Variants in SIPA1L1 observed in about 807,000 individuals in gnomAD.
SIPA1L1 encodes the protein signal-induced proliferation-associated 1-like protein 1.
Under a neutral mutation model 162.7 loss-of-function variants are expected in SIPA1L1, and 26 were observed. That is an observed-to-expected ratio of 0.16 (90% CI 0.12 to 0.22). The LOEUF is 0.22. Ranked by LOEUF, SIPA1L1 falls within the 10% of genes least tolerant of loss-of-function variation. The pLI is 1.00. For missense variants in SIPA1L1, 1,874 were observed against 2,241.0 expected, an observed-to-expected ratio of 0.84 and a Z score of 3.31; for synonymous variants, 829 against 837.4, an observed-to-expected ratio of 0.99 and a Z score of 0.17.
chr14:71,422,751 C>T (rs1195178504), intron 2 of SIPA1L1, among the ~76,000 whole-genome samples: 11 of 152,188 alleles, frequency 7.2e-5, no homozygotes, highest in Admixed American at 6.5e-5. Context: ...GGGTGGCTTC[C>T]GCCTTTTAGC....
intron 2 of SIPA1L1, among the ~76,000 whole-genome samples, chr14:71,472,612 A>G (rs2047548158): frequency 6.6e-6 from 1 of 152,122 alleles, no homozygotes; most frequent in East Asian, 1.9e-4. Context: ...TATTCTTACA[A>G]AAGGCCTTGT....
At chr14:71,480,790 C>A (rs1391687163) in intron 2 of SIPA1L1, among the ~76,000 whole-genome samples, 1 of 151,954 alleles carries the variant, frequency 6.6e-6, no homozygotes. Flanking sequence ...AACAAAAAAA[C>A]AAAGGTCATT....
chr14:71,496,167 TA>T (rs1245030806), intron 2 of SIPA1L1, among the ~76,000 whole-genome samples: 1 of 151,822 alleles, frequency 6.6e-6, no homozygotes, highest in Non-Finnish European at 1.5e-5. Flanking sequence ...TTATTCAGTT[TA>T]AGGTATTTTA....
At chr14:71,544,683 T>C (rs2055017647) in intron 4 of SIPA1L1, among the ~76,000 whole-genome samples, 5 of 152,148 alleles carry the variant, frequency 3.3e-5, no homozygotes. Flanking sequence ...TGTTTTCCTG[T>C]TTCTATCTAG....
At chr14:71,639,424 C>G (rs1262219808) in intron 7 of SIPA1L1, among the ~76,000 whole-genome samples, 1 of 152,044 alleles carries the variant, frequency 6.6e-6, no homozygotes, top group Non-Finnish European at 1.5e-5. Flanking sequence ...AACCAAAGAC[C>G]TAAATAAATG....
intron 2 of SIPA1L1, among the ~76,000 whole-genome samples, chr14:71,394,911 T>G (rs1470494340): frequency 6.6e-6 from 1 of 152,230 alleles, no homozygotes; most frequent in Non-Finnish European, 1.5e-5. Context: ...TTAAAAAAAT[T>G]ATTTTCATCA....
At chr14:71,676,475 T>TC (rs1318477718) in intron 12 of SIPA1L1, among the ~76,000 whole-genome samples, 1 of 151,702 alleles carries the variant, frequency 6.6e-6, no homozygotes, top group African/African-American at 2.4e-5. Flanking sequence ...TCCTTTTTTT[T>TC]TTTTTTTTAA....
chr14:71,414,694 C>T (rs1413841674), intron 2 of SIPA1L1, among the ~76,000 whole-genome samples: 3 of 152,200 alleles, frequency 2.0e-5, no homozygotes, highest in Non-Finnish European at 4.4e-5. Context: ...AGAGCTTATA[C>T]TTCAACCCAT....
At chr14:71,672,210 G>T in intron 11 of SIPA1L1, 138 bp from the exon 12 acceptor site, 1 of 796,582 alleles carries the variant, frequency 1.3e-6, no homozygotes, top group Non-Finnish European at 2.0e-6. Context: ...GATTAGTGAA[G>T]AGGAAATAAC....
chr14:71,546,633 C>T (rs1347188287), intron 4 of SIPA1L1, among the ~76,000 whole-genome samples: 4 of 152,012 alleles, frequency 2.6e-5, no homozygotes, highest in African/African-American at 4.8e-5. Flanking sequence ...CTACCGTGCC[C>T]GGCCTGCATT....
intron 3 of SIPA1L1, among the ~76,000 whole-genome samples, chr14:71,521,809 T>G (rs1175750587): frequency 1.3e-5 from 2 of 152,164 alleles, no homozygotes; most frequent in Non-Finnish European, 2.9e-5. Context: ...TGCTCCACAT[T>G]CTTAGTGACA....
chr14:71,518,800 A>C (rs1168247913), intron 3 of SIPA1L1, among the ~76,000 whole-genome samples: 2 of 152,094 alleles, frequency 1.3e-5, no homozygotes, highest in African/African-American at 4.8e-5. Context: ...GCTGCTGATA[A>C]AGACATACCT....
chr14:71,589,093 CAATGAGCTTGT>C lies in SIPA1L1; in HGVS notation c.1230_1240del (p.Val411SerfsTer6). The C allele has an allele frequency of 6.2e-7, 1 of 1,614,096 alleles. No homozygotes were observed. On this transcript the variant is annotated frameshift_variant, in exon 5 of 24. Coordinates refer to ENST00000381232, the MANE Select transcript of SIPA1L1 (RefSeq NM_001386936.1). LOFTEE classifies it high-confidence loss of function. ...GCATGGACCAGGGAGATGATAAAAG[CAATGAGCTTGT>C]AATGAGCTGTCCATATTTTCGGAAT...
At chr14:71,728,110 A>G (rs760014547) in intron 19 of SIPA1L1, among the ~76,000 whole-genome samples, 19 of 152,240 alleles carry the variant, frequency 1.2e-4, no homozygotes, top group Non-Finnish European at 2.2e-4. Context: ...TCCCTTTACT[A>G]AAACCAGGGG....
intron 2 of SIPA1L1, among the ~76,000 whole-genome samples, chr14:71,459,932 A>T (rs964049474): frequency 6.6e-6 from 1 of 152,188 alleles, no homozygotes; most frequent in Non-Finnish European, 1.5e-5. Flanking sequence ...AAAGACAATA[A>T]TAAGGTCATA....
chr14:71,596,692 A>C (rs1332428947), intron 5 of SIPA1L1, among the ~76,000 whole-genome samples: 3 of 152,186 alleles, frequency 2.0e-5, no homozygotes, highest in Non-Finnish European at 4.4e-5. Flanking sequence ...GCCTCCAATT[A>C]GTGCAGTTAA....
intron 7 of SIPA1L1, among the ~76,000 whole-genome samples, chr14:71,629,530 G>T (rs933853269): frequency 1.3e-5 from 2 of 152,176 alleles, no homozygotes; most frequent in Non-Finnish European, 2.9e-5. Flanking sequence ...GCAGACTTCA[G>T]TGCCCGGTAT....
intron 2 of SIPA1L1, among the ~76,000 whole-genome samples, chr14:71,430,653 A>G (rs1394093537): frequency 6.6e-6 from 1 of 152,202 alleles, no homozygotes; most frequent in East Asian, 1.9e-4. Flanking sequence ...AGTGTCACAT[A>G]ATGTGTAGCT....
chr14:71,635,712 C>T (rs1447576275), intron 7 of SIPA1L1, among the ~76,000 whole-genome samples: 4 of 152,060 alleles, frequency 2.6e-5, no homozygotes, highest in African/African-American at 9.7e-5. Context: ...GATAAAATGA[C>T]AGACTTAAAC....
Sources: allele counts gnomAD v4.1 joint callset (sites outside exome capture counted in the v4.1 genomes callset), GRCh38; gene constraint gnomAD v4.1.1; transcripts MANE v1.5; gene names NCBI Gene and HGNC (gene_info 2026-07-23, HGNC 2026-07-21).